Variants in CAMK4 observed in about 807,000 individuals in gnomAD.
The protein encoded by CAMK4 is calcium/calmodulin-dependent protein kinase type IV.
A neutral mutation model predicts 44.9 loss-of-function variants in CAMK4; 22 were observed. The observed-to-expected ratio is 0.49, with a 90% CI of 0.35 to 0.70. The LOEUF (loss-of-function observed/expected upper bound fraction) is 0.70, where lower values mean the gene tolerates loss of function less well. Ranked by LOEUF, CAMK4 falls within the 30% of genes least tolerant of loss-of-function variation. CAMK4 has a pLI of 0.01. For missense variants in CAMK4, 498 were observed against 586.8 expected, an observed-to-expected ratio of 0.85 and a Z score of 1.56; for synonymous variants, 218 against 215.4, an observed-to-expected ratio of 1.01 and a Z score of -0.11.
chr5:111,365,674 A>G (rs1450317177), intron 2 of CAMK4, among the ~76,000 whole-genome samples: 2 of 152,088 alleles, frequency 1.3e-5, no homozygotes, highest in Non-Finnish European at 2.9e-5. Context: ...AAGGATGTCT[A>G]TCCTGCTTCC....
chr5:111,457,651 A>G (rs1380471073), intron 7 of CAMK4, among the ~76,000 whole-genome samples: 3 of 152,240 alleles, frequency 2.0e-5, no homozygotes, highest in Non-Finnish European at 4.4e-5. Context: ...TTAGCCAATA[A>G]GCTACATTTT....
At chr5:111,293,124 T>C (rs550136477) in intron 1 of CAMK4, among the ~76,000 whole-genome samples, 2 of 152,294 alleles carry the variant, frequency 1.3e-5, no homozygotes, top group African/African-American at 4.8e-5. Flanking sequence ...AACCAGTGAT[T>C]TCTCTTTATT....
intron 1 of CAMK4, among the ~76,000 whole-genome samples, chr5:111,231,486 C>G (rs1361791941): frequency 6.6e-6 from 1 of 152,124 alleles, no homozygotes; most frequent in Admixed American, 6.5e-5. Context: ...AAATGTGTCC[C>G]CTCTCTCCTC....
At chr5:111,249,769 A>G (rs1195520202) in intron 1 of CAMK4, among the ~76,000 whole-genome samples, 1 of 150,678 alleles carries the variant, frequency 6.6e-6, no homozygotes, top group Non-Finnish European at 1.5e-5. Context: ...ATGTTTTATT[A>G]GTTTAAGAAT....
chr5:111,349,328 T>C (rs1749998083), intron 2 of CAMK4, among the ~76,000 whole-genome samples: 1 of 152,058 alleles, frequency 6.6e-6, no homozygotes, highest in South Asian at 2.1e-4. Flanking sequence ...GAAACAAGGC[T>C]AACTTTTTTC....
chr5:111,396,090 ATATCTAACT>A (rs1751995862), intron 5 of CAMK4, among the ~76,000 whole-genome samples: 1 of 152,116 alleles, frequency 6.6e-6, no homozygotes, highest in Non-Finnish European at 1.5e-5. Context: ...GAGGACTCTG[ATATCTAACT>A]AGCCTCTGTA....
chr5:111,472,518 C>T (rs1460998812), intron 7 of CAMK4, among the ~76,000 whole-genome samples: 1 of 152,166 alleles, frequency 6.6e-6, no homozygotes, highest in African/African-American at 2.4e-5. Flanking sequence ...CCTTAGTACT[C>T]AGGGAAAGTG....
chr5:111,315,959 G>T (rs1261439216), intron 1 of CAMK4, among the ~76,000 whole-genome samples: 1 of 152,066 alleles, frequency 6.6e-6, no homozygotes, highest in Non-Finnish European at 1.5e-5. Context: ...ATTTTGTTTG[G>T]CTCTCTAGGC....
intron 4 of CAMK4, among the ~76,000 whole-genome samples, chr5:111,392,569 A>G (rs966794582): frequency 2.0e-5 from 3 of 152,170 alleles, no homozygotes; most frequent in African/African-American, 7.2e-5. Context: ...AAACATAAAT[A>G]CAAACACTCC....
At chr5:111,420,978 A>C (rs1391320084) in intron 5 of CAMK4, among the ~76,000 whole-genome samples, 2 of 139,872 alleles carry the variant, frequency 1.4e-5, no homozygotes, top group African/African-American at 6.4e-5. Flanking sequence ...TAAGAGATTA[A>C]AGTAAAGACA....
chr5:111,346,512 A>G (rs1406918219), intron 2 of CAMK4, among the ~76,000 whole-genome samples: 1 of 142,146 alleles, frequency 7.0e-6, no homozygotes, highest in Admixed American at 7.1e-5. Context: ...CTATCTATCT[A>G]TCTCCATCCA....
intron 1 of CAMK4, among the ~76,000 whole-genome samples, chr5:111,237,018 C>T (rs17520975): frequency 0.22 from 33,002 of 152,074 alleles, 3,978 homozygotes; most frequent in Non-Finnish European, 0.28. Flanking sequence ...ACTAGCACAC[C>T]GAAATTACTT....
At chr5:111,229,647 C>T (rs939211160) in intron 1 of CAMK4, among the ~76,000 whole-genome samples, 1 of 152,198 alleles carries the variant, frequency 6.6e-6, no homozygotes, top group Non-Finnish European at 1.5e-5. Flanking sequence ...GGCCCCATGG[C>T]CTATCTGGGT....
At chr5:111,374,746 TGCG>T (rs1751146438) in intron 2 of CAMK4, 101 bp from the exon 3 acceptor site, 1 of 719,836 alleles carries the variant, frequency 1.4e-6, no homozygotes, top group South Asian at 1.6e-5. Context: ...AATTAGGCTC[TGCG>T]AATTGCCTGA....
At chr5:111,347,928 A>G (rs1749935390) in intron 2 of CAMK4, among the ~76,000 whole-genome samples, 6 of 152,062 alleles carry the variant, frequency 3.9e-5, no homozygotes, top group Admixed American at 3.9e-4. Context: ...TGAGTGAAAC[A>G]TATCACATTT....
chr5:111,309,652 C>T (rs191533213), intron 1 of CAMK4, among the ~76,000 whole-genome samples: 168 of 152,218 alleles, frequency 1.1e-3, no homozygotes, highest in Non-Finnish European at 2.1e-3. Context: ...TCTTCTATTC[C>T]GACTTGTTCA....
intron 1 of CAMK4, among the ~76,000 whole-genome samples, chr5:111,336,319 C>T (rs1749401182): frequency 6.6e-6 from 1 of 151,134 alleles, no homozygotes; most frequent in Non-Finnish European, 1.5e-5. Context: ...GAAGATGCAA[C>T]ACTGTACAAG....
Position 111,381,873 on chromosome 5 carries a change from C to A in CAMK4, c.386+4931C>A, listed in dbSNP as rs140523187. Reference sequence around the variant, plus strand: ...AATGTATTTTCCTGATTTAAAAAGTCAGCCTATTTGAGCAAGCAGGGTGAA... The same window carrying A: ...AATGTATTTTCCTGATTTAAAAAGTAAGCCTATTTGAGCAAGCAGGGTGAA... On this transcript the variant is annotated intron_variant, in intron 4 of 10. Transcript: ENST00000282356. 3.8e-4 allele frequency among the ~76,000 whole-genome samples: 58 copies of A among 152,130 alleles called. 1 individual carries two copies. The highest frequency in any genetic ancestry group is 1.3e-3 in the African/African-American group (55 of 41,508).
intron 1 of CAMK4, among the ~76,000 whole-genome samples, chr5:111,294,766 T>C (rs1362094399): frequency 1.3e-5 from 2 of 152,126 alleles, no homozygotes; most frequent in Non-Finnish European, 2.9e-5. Context: ...CTTGAGTTCA[T>C]GTCCTCAAAT....
Sources: allele counts gnomAD v4.1 joint callset (sites outside exome capture counted in the v4.1 genomes callset), GRCh38; gene constraint gnomAD v4.1.1; transcripts MANE v1.5; gene names NCBI Gene and HGNC (gene_info 2026-07-23, HGNC 2026-07-21).